KCNK2: variants seen among roughly 807,000 people sequenced by gnomAD.
KCNK2 encodes the protein potassium two pore domain channel subfamily K member 2.
Under a neutral mutation model 40.5 loss-of-function variants are expected in KCNK2, and 21 were observed. That is an observed-to-expected ratio of 0.52 (90% CI 0.37 to 0.75). The LOEUF (loss-of-function observed/expected upper bound fraction) is 0.75. Among genes scored for constraint, KCNK2 ranks in the 30% least tolerant of loss-of-function variants. KCNK2 has a pLI of 0.00. For synonymous variants in KCNK2, 191 were observed against 202.2 expected (o/e 0.94, Z 0.47); for missense variants, 399 against 531.6 (o/e 0.75, Z 2.45).
In KCNK2 at chr1:215,204,613, T is replaced by C. The variant is rs891266500; in HGVS notation, c.963+9521T>C. 5.3e-5 allele frequency among the ~76,000 whole-genome samples: 8 copies of C among 151,840 alleles called. No homozygotes were observed. In the East Asian group the frequency reaches 1.2e-3, roughly 22 times the overall value. On this transcript the variant is annotated intron_variant, in intron 6 of 6. Transcript: ENST00000444842. ...AGCTTTCAAAATTGTTTTTGGACTT[T>C]CTTCAGCAAACCAAAGTATTGCACT... is the stretch of plus-strand genomic sequence containing the variant.
chr1:215,051,232 T>C (rs1657974388), intron 1 of KCNK2, among the ~76,000 whole-genome samples: 1 of 152,104 alleles, frequency 6.6e-6, no homozygotes, highest in Non-Finnish European at 1.5e-5. Context: ...TGCACCACCA[T>C]GCATGGATCT....
chr1:215,119,079 T>G (rs1340865551), intron 2 of KCNK2, among the ~76,000 whole-genome samples: 1 of 152,196 alleles, frequency 6.6e-6, no homozygotes, highest in Non-Finnish European at 1.5e-5. Flanking sequence ...CAGTACATTC[T>G]TCAGCCTTTT....
chr1:215,037,545 TA>T (rs1297443953), intron 1 of KCNK2, among the ~76,000 whole-genome samples: 1 of 152,020 alleles, frequency 6.6e-6, no homozygotes, highest in Non-Finnish European at 1.5e-5. Context: ...CCTCATACGT[TA>T]AATGTTAAAT....
chr1:215,037,348 T>C (rs1220867525), intron 1 of KCNK2, among the ~76,000 whole-genome samples: 1 of 151,962 alleles, frequency 6.6e-6, no homozygotes, highest in Non-Finnish European at 1.5e-5. Flanking sequence ...TTTTCAAATG[T>C]TAAGCCAATC....
In KCNK2 at chr1:215,083,086, C is replaced by T. The variant is rs1659241267; in HGVS notation, c.-300C>T. 1 of 425,954 alleles carries T rather than the reference C, an allele frequency of 2.3e-6. No homozygotes were observed. Among genetic ancestry groups the T allele is most frequent in the East Asian group, 3.9e-5 (1 of 25,452 alleles). 26.4% of individuals were successfully genotyped at this position (425,954 alleles called of 1,614,324 possible). A position where few individuals can be genotyped will look rare whatever the true frequency, so the allele number is the denominator to read the frequency against. ...TCTCCGGGTGACCCGGGCCCGGCAG[C>T]AGGCGCGCGCGGGGGCGGCGGCGCC... On this transcript the variant is annotated 5_prime_UTR_variant, in exon 1 of 7. Coordinates refer to ENST00000444842, the MANE Select transcript of KCNK2 (RefSeq NM_001017425.3).
At chr1:215,028,247 C>T (rs1244512816) in intron 1 of KCNK2, among the ~76,000 whole-genome samples, 2 of 151,842 alleles carry the variant, frequency 1.3e-5, no homozygotes, top group African/African-American at 2.4e-5. Flanking sequence ...ATCAGCCGAG[C>T]GTGGTGGCGG....
chr1:215,009,402 A>G (rs1656297087), intron 1 of KCNK2, among the ~76,000 whole-genome samples: 1 of 152,146 alleles, frequency 6.6e-6, no homozygotes, highest in Non-Finnish European at 1.5e-5. Context: ...AAAGAAAATA[A>G]TATCTTGCAT....
At chr1:215,041,436 A>C (rs1571864729) in intron 1 of KCNK2, among the ~76,000 whole-genome samples, 1 of 152,168 alleles carries the variant, frequency 6.6e-6, no homozygotes, top group East Asian at 1.9e-4. Flanking sequence ...AGTGTTGGTA[A>C]GTTTTGTTTC....
chr1:215,233,156 A>G lies in KCNK2; in HGVS notation c.964-1672A>G, dbSNP rs1392904734. Among the ~76,000 whole-genome samples the G allele has an allele frequency of 5.3e-5, 8 of 152,244 alleles. No individual in the cohort carries two copies. The East Asian group carries it at 1.5e-3, about 29-fold the overall frequency. On this transcript the variant is annotated intron_variant, in intron 6 of 6. Transcript: ENST00000444842. ...TGTAGATTTGCACCTCTTTCCCAGC[A>G]AGCTTCCCCTAAGTTGCCTCAGTGG...
intron 2 of KCNK2, among the ~76,000 whole-genome samples, chr1:215,119,167 C>T (rs1421333732): frequency 2.0e-5 from 3 of 152,140 alleles, no homozygotes; most frequent in Admixed American, 6.6e-5. Context: ...ACACAAAAAG[C>T]TGTTCCTTGG....
chr1:215,138,669 C>T (rs192656036), intron 3 of KCNK2, among the ~76,000 whole-genome samples: 8 of 152,054 alleles, frequency 5.3e-5, no homozygotes, highest in East Asian at 1.9e-4. Context: ...TGGGCAACAG[C>T]GGGAGACCCT....
chr1:215,087,835 C>T (rs1334877204), intron 2 of KCNK2, among the ~76,000 whole-genome samples: 1 of 152,168 alleles, frequency 6.6e-6, no homozygotes, highest in Admixed American at 6.5e-5. Context: ...TCTCAAGATA[C>T]TATCTCTGCC....
intron 2 of KCNK2, among the ~76,000 whole-genome samples, chr1:215,119,559 G>A (rs544986579): frequency 1.5e-4 from 23 of 152,152 alleles, no homozygotes; most frequent in Non-Finnish European, 2.2e-4. Context: ...GTCTATAAAC[G>A]GAGGAGCAAA....
chr1:215,176,414 G>A (rs533345545), intron 5 of KCNK2, among the ~76,000 whole-genome samples: 1 of 152,172 alleles, frequency 6.6e-6, no homozygotes, highest in African/African-American at 2.4e-5. Flanking sequence ...GTGCCATGGT[G>A]ATTTGCTGCA....
At chr1:215,010,876 G>GTGTT (rs2102470190) in intron 1 of KCNK2, among the ~76,000 whole-genome samples, 1 of 133,466 alleles carries the variant, frequency 7.5e-6, no homozygotes, top group East Asian at 2.3e-4. Context: ...TTTTGTGTGT[G>GTGTT]TGTGTGTGTG....
intron 3 of KCNK2, among the ~76,000 whole-genome samples, chr1:215,145,274 A>G (rs1220878404): frequency 6.6e-6 from 1 of 152,098 alleles, no homozygotes; most frequent in African/African-American, 2.4e-5. Context: ...TATGTTTGTT[A>G]TATTATGTAT....
At chr1:215,122,740 C>CTTTTTTTTTTTTTTTTTTTTTTTTTTTT (rs564207038) in intron 2 of KCNK2, among the ~76,000 whole-genome samples, 1 of 120,356 alleles carries the variant, frequency 8.3e-6, no homozygotes, top group Non-Finnish European at 1.7e-5. Context: ...CATTCATAAT[C>CTTTTTTTTTTTTTTTTTTTTTTTTTTTT]TTTTTTTTTT....
intron 5 of KCNK2, among the ~76,000 whole-genome samples, chr1:215,183,207 CTATTAT>C (rs904809086): frequency 6.6e-6 from 1 of 152,042 alleles, no homozygotes; most frequent in Admixed American, 6.6e-5. Context: ...AAAAATGAAT[CTATTAT>C]TATTATTTTT....
chr1:215,222,457 G>C (rs1334892262), intron 6 of KCNK2, among the ~76,000 whole-genome samples: 2 of 152,104 alleles, frequency 1.3e-5, no homozygotes, highest in African/African-American at 4.8e-5. Flanking sequence ...TTCATACTTA[G>C]ACATTTTTAG....
Sources: allele counts gnomAD v4.1 joint callset (sites outside exome capture counted in the v4.1 genomes callset), GRCh38; gene constraint gnomAD v4.1.1; transcripts MANE v1.5; gene names NCBI Gene and HGNC (gene_info 2026-07-23, HGNC 2026-07-21).